The following INTS4 variants were observed in gnomAD, a reference collection of about 807,000 sequenced individuals.
The protein encoded by INTS4 is MSTP093.
A neutral mutation model predicts 119.5 loss-of-function variants in INTS4; 70 were observed. The observed-to-expected ratio is 0.59, with a 90% CI of 0.48 to 0.71. The LOEUF (loss-of-function observed/expected upper bound fraction) is 0.71, where lower values mean the gene tolerates loss of function less well. INTS4 is among the 30% of genes least tolerant of loss of function. The pLI, the probability that INTS4 is intolerant of heterozygous loss-of-function variation, is 0.00. For missense variants in INTS4, 867 were observed against 1,173.2 expected, an observed-to-expected ratio of 0.74 and a Z score of 3.81; for synonymous variants, 316 against 419.6, an observed-to-expected ratio of 0.75 and a Z score of 3.02.
intron 15 of INTS4, chr11:77,911,144 A>G: frequency 8.3e-7 from 1 of 1,206,484 alleles, no homozygotes; most frequent in Non-Finnish European, 1.1e-6. Context: ...GACATCAAGA[A>G]GGAGATGCCT....
At chr11:77,905,320 G>A (rs1952913312) in intron 16 of INTS4, among the ~76,000 whole-genome samples, 1 of 152,052 alleles carries the variant, frequency 6.6e-6, no homozygotes, top group Admixed American at 6.6e-5. Flanking sequence ...AGCCAGGCGT[G>A]GTGGTGCACA....
intron 2 of INTS4, 52 bp downstream of exon 2, chr11:77,991,056 C>A: frequency 6.8e-7 from 1 of 1,480,358 alleles, no homozygotes; most frequent in Non-Finnish European, 9.4e-7. Context: ...ATTCTGCAGA[C>A]ATGATACAAC....
intron 21 of INTS4, among the ~76,000 whole-genome samples, chr11:77,888,305 C>G (rs373615404): frequency 7.9e-5 from 12 of 152,182 alleles, no homozygotes; most frequent in African/African-American, 2.6e-4. Flanking sequence ...ACAAACCTGA[C>G]AAAAACAAGC....
chr11:77,929,406 T>C (rs1953591069), intron 10 of INTS4, among the ~76,000 whole-genome samples: 2 of 152,184 alleles, frequency 1.3e-5, no homozygotes, highest in African/African-American at 4.8e-5. Context: ...TGACACCACA[T>C]ATATGTGATG....
chr11:77,926,656 T>A (rs1179208138), intron 11 of INTS4, among the ~76,000 whole-genome samples: 1 of 150,346 alleles, frequency 6.7e-6, no homozygotes, highest in Non-Finnish European at 1.5e-5. Context: ...AAAAAAAAAA[T>A]ATATACAAAA....
At chr11:77,885,991 A>T (rs1044384079) in intron 21 of INTS4, among the ~76,000 whole-genome samples, 8 of 152,222 alleles carry the variant, frequency 5.3e-5, no homozygotes, top group African/African-American at 1.7e-4. Context: ...GCTTGAAGAC[A>T]GGAGTTTAAG....
At chr11:77,912,599 T>C (rs1953114000) in intron 15 of INTS4, among the ~76,000 whole-genome samples, 1 of 152,228 alleles carries the variant, frequency 6.6e-6, no homozygotes, top group Non-Finnish European at 1.5e-5. Context: ...GCAAATCAAA[T>C]GTAGTTTATT....
At chr11:77,960,720 G>A (rs1393277221) in intron 5 of INTS4, among the ~76,000 whole-genome samples, 1 of 152,044 alleles carries the variant, frequency 6.6e-6, no homozygotes, top group Non-Finnish European at 1.5e-5. Flanking sequence ...AATTATAACA[G>A]GTTCCTATTG....
chr11:77,933,434 C>A (rs537275819), intron 10 of INTS4, among the ~76,000 whole-genome samples: 1 of 152,192 alleles, frequency 6.6e-6, no homozygotes, highest in African/African-American at 2.4e-5. Context: ...CTGTGTTGGC[C>A]GGGCTGGTCT....
chr11:77,991,105 T>C lies in INTS4; in HGVS notation c.246+3A>G, dbSNP rs778078767. The C allele has an allele frequency of 6.8e-6, 11 of 1,612,416 alleles. No homozygotes were observed. The highest frequency in any genetic ancestry group is 9.3e-6 in the Non-Finnish European group (11 of 1,178,672). On this transcript the variant is annotated splice_donor_region_variant and intron_variant, in intron 2 of 22. Transcript: ENST00000534064. ...TCCCATCAGATCCTCAAGATTTTCT[T>C]ACCTTGTAATAATGTTCCAAGAGAA...
chr11:77,950,030 T>C (rs1954150611), intron 8 of INTS4, among the ~76,000 whole-genome samples: 2 of 152,138 alleles, frequency 1.3e-5, no homozygotes, highest in South Asian at 2.1e-4. Flanking sequence ...TGGAATACCA[T>C]GCAGCCACAA....
At chr11:77,961,915 C>T (rs1954486108) in intron 4 of INTS4, among the ~76,000 whole-genome samples, 1 of 152,188 alleles carries the variant, frequency 6.6e-6, no homozygotes, top group Non-Finnish European at 1.5e-5. Context: ...AATAATGCTA[C>T]TGTGATTATT....
intron 10 of INTS4, among the ~76,000 whole-genome samples, chr11:77,929,664 T>C (rs929154155): frequency 4.6e-5 from 7 of 152,146 alleles, no homozygotes; most frequent in African/African-American, 1.4e-4. Flanking sequence ...TAAAATCATA[T>C]AGTAGTTAAG....
intron 2 of INTS4, among the ~76,000 whole-genome samples, chr11:77,989,779 G>C (rs902751862): frequency 3.3e-5 from 5 of 151,784 alleles, no homozygotes; most frequent in African/African-American, 1.2e-4. Context: ...CATGCCTGTA[G>C]TCCCAGCTAC....
intron 1 of INTS4, among the ~76,000 whole-genome samples, chr11:77,992,270 T>A (rs1267847922): frequency 6.6e-6 from 1 of 151,410 alleles, no homozygotes; most frequent in African/African-American, 2.4e-5. Flanking sequence ...TGGTGGTGTA[T>A]GCCTGCAGTC....
intron 1 of INTS4, among the ~76,000 whole-genome samples, chr11:77,992,740 G>C (rs967058354): frequency 1.3e-5 from 2 of 152,130 alleles, no homozygotes; most frequent in Non-Finnish European, 1.5e-5. Flanking sequence ...CTTACTAGCT[G>C]GGGAAGGCCT....
intron 18 of INTS4, among the ~76,000 whole-genome samples, chr11:77,897,906 T>G (rs1952601539): frequency 6.6e-6 from 1 of 152,090 alleles, no homozygotes; most frequent in Admixed American, 6.6e-5. Context: ...ACTCCTGGGC[T>G]CAAGGGATCC....
intron 10 of INTS4, among the ~76,000 whole-genome samples, chr11:77,931,076 T>C (rs1473946759): frequency 1.3e-5 from 2 of 152,130 alleles, no homozygotes; most frequent in Admixed American, 6.6e-5. Context: ...ACTGTTGCCA[T>C]GGAAAAGCAC....
intron 18 of INTS4, among the ~76,000 whole-genome samples, chr11:77,894,933 C>G (rs996652788): frequency 6.6e-6 from 1 of 152,108 alleles, no homozygotes; most frequent in Non-Finnish European, 1.5e-5. Context: ...TCATTTTTTC[C>G]ATAGCGGTAT....
Sources: allele counts gnomAD v4.1 joint callset (sites outside exome capture counted in the v4.1 genomes callset), GRCh38; gene constraint gnomAD v4.1.1; transcripts MANE v1.5; gene names NCBI Gene and HGNC (gene_info 2026-07-23, HGNC 2026-07-21).